Variants in PLEKHS1 observed in about 807,000 individuals in gnomAD.
The protein encoded by PLEKHS1 is pleckstrin homology domain containing S1.
PLEKHS1 carries 55 observed loss-of-function variants against 51.0 expected under a neutral mutation model. The ratio of observed to expected loss-of-function variants is 1.08; its 90% CI spans 0.87 to 1.35. PLEKHS1 has a LOEUF of 1.35. PLEKHS1 is among the 40% of genes most tolerant of loss of function. PLEKHS1 has a pLI of 0.00. For synonymous variants in PLEKHS1, 153 were observed against 144.8 expected (o/e 1.06, Z -0.41); for missense variants, 398 against 423.0 (o/e 0.94, Z 0.52).
At position 113,757,812 on chromosome 10, in the gene PLEKHS1, A is replaced by C. The variant is rs57969035; in HGVS notation, c.28+2507A>C. ...AAACCCTGACACTGATTTATCAACT[A>C]AGTTTATGTAATATTTTAAATCCTT... On this transcript the variant is annotated intron_variant, in intron 2 of 11. Transcript: ENST00000361048. Among the ~76,000 whole-genome samples, 48 of 152,384 alleles carry C rather than the reference A, an allele frequency of 3.1e-4. 1 individual carries two copies. The East Asian group carries it at 8.9e-3, about 28-fold the overall frequency.
At chr10:113,752,196 A>T (rs1853872965) in intron 1 of PLEKHS1, among the ~76,000 whole-genome samples, 1 of 152,206 alleles carries the variant, frequency 6.6e-6, no homozygotes, top group Non-Finnish European at 1.5e-5. Context: ...CTTCTTTTTA[A>T]TTACATGATC....
exon 11 of PLEKHS1, chr10:113,775,828 C>T: frequency 6.2e-7 from 1 of 1,612,986 alleles, no homozygotes; most frequent in Non-Finnish European, 8.5e-7. Flanking sequence ...CTGATGTCAT[C>T]AACTATCTTG....
At chr10:113,752,581 T>A (rs1426171184) in intron 1 of PLEKHS1, among the ~76,000 whole-genome samples, 3 of 152,180 alleles carry the variant, frequency 2.0e-5, no homozygotes, top group Non-Finnish European at 4.4e-5. Context: ...ATAACCTTCA[T>A]GTTACAGATG....
At chr10:113,778,293 G>C (rs1304892160) in intron 11 of PLEKHS1, among the ~76,000 whole-genome samples, 1 of 152,166 alleles carries the variant, frequency 6.6e-6, no homozygotes, top group Non-Finnish European at 1.5e-5. Context: ...AACTGGAGAA[G>C]CTTACATTTA....
chr10:113,769,994 C>T, intron 7 of PLEKHS1, 94 bp downstream of exon 7: 1 of 887,610 alleles, frequency 1.1e-6, no homozygotes, highest in Non-Finnish European at 1.9e-6. Flanking sequence ...TAACCATGCC[C>T]ACCTTCCTCA....
chr10:113,777,399 T>A, intron 11 of PLEKHS1, 140 bp downstream of exon 12: 2 of 1,610,484 alleles, frequency 1.2e-6, no homozygotes, highest in Middle Eastern at 3.3e-4. Flanking sequence ...AATAACAGAA[T>A]GTGCTTTCAG....
intron 11 of PLEKHS1, among the ~76,000 whole-genome samples, chr10:113,778,705 G>A (rs977784559): frequency 5.3e-5 from 8 of 149,560 alleles, no homozygotes; most frequent in Non-Finnish European, 1.0e-4. Flanking sequence ...GTGCAGTGGC[G>A]CAAACTCGGC....
chr10:113,769,905 T>G lies in PLEKHS1; in HGVS notation c.552+5T>G. ...AGAAATGGTCTCCAAGACAAGGTAA[T>G]GGGGCTCACTTCTTTCTCAGGACAC... On this transcript the variant is annotated splice_donor_5th_base_variant and intron_variant, in intron 7 of 11. Coordinates refer to ENST00000361048, the Ensembl canonical transcript of PLEKHS1. The G allele has an allele frequency of 6.3e-7, 1 of 1,595,394 alleles. No homozygotes were observed. The highest frequency in any genetic ancestry group is 1.7e-5 in the Admixed American group (1 of 59,974).
chr10:113,775,847 G>A (rs1258648906), exon 11 of PLEKHS1: 3 of 1,611,668 alleles, frequency 1.9e-6, no homozygotes, highest in Non-Finnish European at 1.7e-6. Context: ...TGCTCTCACA[G>A]AAGCCACAGG....
At chr10:113,770,316 A>G (rs1844348167) in intron 7 of PLEKHS1, among the ~76,000 whole-genome samples, 1 of 152,138 alleles carries the variant, frequency 6.6e-6, no homozygotes, top group Non-Finnish European at 1.5e-5. Context: ...TCTTCCCTTT[A>G]CCCTGATCAA....
chr10:113,777,134 TGGGA>T, intron 11 of PLEKHS1: 1 of 1,612,624 alleles, frequency 6.2e-7, no homozygotes, highest in Non-Finnish European at 8.5e-7. Context: ...TGTGTCTCAG[TGGGA>T]AGGCCCCCCA....
At position 113,780,894 on chromosome 10, in the gene PLEKHS1, A is replaced by G. The variant is rs1011016778; in HGVS notation, c.*292A>G. 6.7e-6 allele frequency: 6 copies of G among 895,056 alleles called. No homozygotes were observed. The African/African-American group carries it at 6.7e-5, about 10-fold the overall frequency. 55.4% of individuals were successfully genotyped at this position (895,056 alleles called of 1,614,324 possible). A position where few individuals can be genotyped will look rare whatever the true frequency, so the allele number is the denominator to read the frequency against. ...TCGGCACCCCCCTCTGAATTTCTGC[A>G]TCTGCATCTTAACAATGGGGATGAC... On this transcript the variant is annotated 3_prime_UTR_variant, in exon 12 of 12. Transcript: ENST00000361048.
At chr10:113,777,926 G>T in intron 11 of PLEKHS1, 2 of 509,758 alleles carry the variant, frequency 3.9e-6, no homozygotes, top group Non-Finnish European at 6.5e-6. Flanking sequence ...GGAATTCAAG[G>T]TTACAGTGTG....
intron 9 of PLEKHS1, 147 bp downstream of exon 9, chr10:113,774,480 C>A (rs932072228): frequency 1.6e-6 from 1 of 609,398 alleles, no homozygotes; most frequent in East Asian, 2.9e-5. Flanking sequence ...TCTCAACACA[C>A]AAAAAATGAG....
chr10:113,760,704 G>T (rs954814575), intron 2 of PLEKHS1, among the ~76,000 whole-genome samples: 1 of 152,172 alleles, frequency 6.6e-6, no homozygotes, highest in Admixed American at 6.5e-5. Context: ...ATATATTCTG[G>T]ATAGTAGGCC....
In PLEKHS1 at chr10:113,770,946, G is replaced by A. The variant is rs146613681; in HGVS notation, c.553-1024G>A. 3.2e-4 allele frequency among the ~76,000 whole-genome samples: 48 copies of A among 152,256 alleles called. No homozygotes were observed. In the East Asian group the frequency reaches 7.5e-3, roughly 24 times the overall value. ...CTTTACCCCCAACTCAGCATGATCC[G>A]GCTCCATGAGCTTGGAACTTAAAAC... On this transcript the variant is annotated intron_variant, in intron 7 of 11. Coordinates refer to ENST00000361048, the Ensembl canonical transcript of PLEKHS1.
At chr10:113,770,200 C>T (rs547666601) in intron 7 of PLEKHS1, among the ~76,000 whole-genome samples, 3 of 152,148 alleles carry the variant, frequency 2.0e-5, no homozygotes, top group South Asian at 2.1e-4. Flanking sequence ...TCCTTTCTTT[C>T]ACACAGAGGG....
At chr10:113,773,851 T>G (rs1279128052) in intron 8 of PLEKHS1, among the ~76,000 whole-genome samples, 1 of 152,200 alleles carries the variant, frequency 6.6e-6, no homozygotes, top group Non-Finnish European at 1.5e-5. Flanking sequence ...GAGACCAGCT[T>G]CACATTGTGT....
chr10:113,770,154 C>G (rs905879610), intron 7 of PLEKHS1, among the ~76,000 whole-genome samples: 2 of 152,092 alleles, frequency 1.3e-5, no homozygotes, highest in Non-Finnish European at 2.9e-5. Context: ...AGGGTAAGAC[C>G]CCTTTGCTAA....
Sources: gnomAD v4.1 joint callset for allele counts (sites outside exome capture counted in the v4.1 genomes callset) on GRCh38, gnomAD v4.1.1 for gene constraint, MANE v1.5 for transcripts, NCBI Gene and HGNC (gene_info 2026-07-23, HGNC 2026-07-21) for gene names.